PCDHA11: variants seen among roughly 807,000 people sequenced by gnomAD.
PCDHA11 encodes protocadherin alpha 11.
A neutral mutation model predicts 70.3 loss-of-function variants in PCDHA11; 61 were observed. That is an observed-to-expected ratio of 0.87 (90% confidence interval 0.71 to 1.07). PCDHA11 has a LOEUF of 1.07. Among genes scored for constraint, PCDHA11 ranks in the 50% least tolerant of loss-of-function variants. The pLI, the probability that PCDHA11 is intolerant of heterozygous loss-of-function variation, is 0.00. For missense variants in PCDHA11, 1,324 were observed against 1,237.5 expected (o/e 1.07, Z -1.05); for synonymous variants, 633 against 555.1 (o/e 1.14, Z -1.97).
chr5:140,949,915 T>A (rs1459531816), intron 1 of PCDHA11, among the ~76,000 whole-genome samples: 1 of 151,274 alleles, frequency 6.6e-6, no homozygotes, highest in African/African-American at 2.4e-5. Context: ...TAGATATAAC[T>A]ATTTTTAGAT....
At chr5:140,953,900 C>G (rs1040959969) in intron 1 of PCDHA11, among the ~76,000 whole-genome samples, 4 of 152,126 alleles carry the variant, frequency 2.6e-5, no homozygotes, top group Non-Finnish European at 5.9e-5. Context: ...GTATTAAGCC[C>G]AGCATCCATT....
intron 1 of PCDHA11, chr5:140,877,538 C>T: frequency 1.2e-6 from 2 of 1,613,776 alleles, no homozygotes; most frequent in Non-Finnish European, 1.7e-6. Context: ...GCTGTGGATC[C>T]CGAAGCGGCT....
At chr5:140,877,137 G>A in intron 1 of PCDHA11, 1 of 1,613,796 alleles carries the variant, frequency 6.2e-7, no homozygotes. Context: ...AGGTGTTCGT[G>A]CTGGACGAGA....
chr5:140,990,694 C>T (rs549554926), intron 3 of PCDHA11, among the ~76,000 whole-genome samples: 10 of 152,108 alleles, frequency 6.6e-5, no homozygotes, highest in Non-Finnish European at 1.5e-4. Context: ...TCGGAGAGTC[C>T]AGATTTATGG....
At position 140,878,341 on chromosome 5, in the gene PCDHA11, A is replaced by G. The variant is rs980108622; in HGVS notation, c.2391+6847A>G. Reference sequence around the variant, plus strand: ...TTCACATTATATTCCAGGTATTATCACAATAATATAAATGATATGTCTGAC... The same window carrying G: ...TTCACATTATATTCCAGGTATTATCGCAATAATATAAATGATATGTCTGAC... On this transcript the variant is annotated intron_variant, in intron 1 of 3. Coordinates refer to ENST00000398640, the MANE Select transcript of PCDHA11 (RefSeq NM_018902.5). Among the ~76,000 whole-genome samples the G allele has an allele frequency of 2.0e-5, 3 of 152,350 alleles. No homozygotes were observed. In the East Asian group the frequency reaches 5.8e-4, roughly 29 times the overall value.
At chr5:140,936,959 A>C (rs2091230080) in intron 1 of PCDHA11, among the ~76,000 whole-genome samples, 1 of 152,174 alleles carries the variant, frequency 6.6e-6, no homozygotes, top group Non-Finnish European at 1.5e-5. Flanking sequence ...TCTTTATTGA[A>C]TCTATAAAAA....
chr5:140,881,039 A>G (rs1554171692), intron 1 of PCDHA11, among the ~76,000 whole-genome samples: 1 of 152,262 alleles, frequency 6.6e-6, no homozygotes, highest in Non-Finnish European at 1.5e-5. Context: ...CATTTCCTAT[A>G]GAGTTGTGCA....
At chr5:140,939,411 AT>A (rs797027145) in intron 1 of PCDHA11, among the ~76,000 whole-genome samples, 1 of 152,050 alleles carries the variant, frequency 6.6e-6, no homozygotes, top group East Asian at 1.9e-4. Context: ...GTAAATCAGC[AT>A]TTTTTTCTTC....
At chr5:140,887,396 C>T (rs2153420229) in intron 1 of PCDHA11, among the ~76,000 whole-genome samples, 1 of 152,174 alleles carries the variant, frequency 6.6e-6, no homozygotes, top group Non-Finnish European at 1.5e-5. Flanking sequence ...GCGCCCGGCT[C>T]TTTATCTCAT....
chr5:140,993,177 C>A lies in PCDHA11; in HGVS notation c.2539+10614C>A, dbSNP rs551395516. ...CTAAATATTTGCCTTTGGGAAATTTCTTTAGAGGGAAACTCACTAAAGCTA... is the reference window on the plus strand; with the variant it reads ...CTAAATATTTGCCTTTGGGAAATTTATTTAGAGGGAAACTCACTAAAGCTA... On this transcript the variant is annotated intron_variant, in intron 3 of 3. Transcript: ENST00000398640. 6.6e-5 allele frequency among the ~76,000 whole-genome samples: 10 copies of A among 152,258 alleles called. No homozygotes were observed. In the East Asian group the frequency reaches 1.9e-3, roughly 29 times the overall value.
chr5:140,896,192 C>G (rs369443676), intron 1 of PCDHA11, among the ~76,000 whole-genome samples: 1 of 152,162 alleles, frequency 6.6e-6, no homozygotes, highest in African/African-American at 2.4e-5. Context: ...TGAATAGTGC[C>G]ATGATGAACA....
At chr5:140,891,371 T>G (rs1483919316) in intron 1 of PCDHA11, among the ~76,000 whole-genome samples, 1 of 152,146 alleles carries the variant, frequency 6.6e-6, no homozygotes, top group African/African-American at 2.4e-5. Context: ...CAGTATACAT[T>G]GCACCATATT....
chr5:140,956,137 A>C (rs374405911), intron 1 of PCDHA11, among the ~76,000 whole-genome samples: 1 of 152,114 alleles, frequency 6.6e-6, no homozygotes. Flanking sequence ...AATACCCTTT[A>C]TTTCTTTCTC....
Position 140,869,850 on chromosome 5 carries a change from G to A in PCDHA11, c.747G>A (p.Val249=). ...DPEFDKSEYK[V]SLMENAAKET... ...AGTTTGATAAATCAGAATATAAGGT[G>A]AGCCTTATGGAAAATGCTGCTAAAG... is the stretch of plus-strand genomic sequence containing the variant. The change falls in exon 1 of 4, where the codon GTG becomes GTA. Residue 249 remains valine, a synonymous_variant. Transcript: ENST00000398640. The A allele has an allele frequency of 6.2e-7, 1 of 1,610,774 alleles. No individual in the cohort carries two copies. Among genetic ancestry groups the A allele is most frequent in the South Asian group, 1.1e-5 (1 of 90,674 alleles).
chr5:140,887,954 T>A (rs2061642378), intron 1 of PCDHA11, among the ~76,000 whole-genome samples: 1 of 152,240 alleles, frequency 6.6e-6, no homozygotes, highest in South Asian at 2.1e-4. Context: ...TGTATAAGAT[T>A]CTTTTTGTCT....
intron 1 of PCDHA11, among the ~76,000 whole-genome samples, chr5:140,940,230 TA>T (rs2153645241): frequency 6.6e-6 from 1 of 152,330 alleles, no homozygotes; most frequent in Non-Finnish European, 1.5e-5. Flanking sequence ...TTCATTTTGG[TA>T]CATTAAAGTT....
chr5:140,924,050 A>T (rs1554201725), intron 1 of PCDHA11, among the ~76,000 whole-genome samples: 1 of 152,250 alleles, frequency 6.6e-6, no homozygotes, highest in African/African-American at 2.4e-5. Flanking sequence ...AAAGTTCGGT[A>T]CATCTTTACA....
intron 1 of PCDHA11, chr5:140,875,367 T>C (rs937879067): frequency 6.9e-7 from 1 of 1,449,048 alleles, no homozygotes; most frequent in Non-Finnish European, 9.1e-7. Context: ...CTGGAAAAAA[T>C]TTACTAAATA....
chr5:140,993,661 A>G (rs902592339), intron 3 of PCDHA11, among the ~76,000 whole-genome samples: 1 of 152,182 alleles, frequency 6.6e-6, no homozygotes, highest in African/African-American at 2.4e-5. Flanking sequence ...TTGGTTAACA[A>G]TGGACCACAT....
Sources: allele counts gnomAD v4.1 joint callset (sites outside exome capture counted in the v4.1 genomes callset), GRCh38; gene constraint gnomAD v4.1.1; transcripts MANE v1.5; gene names NCBI Gene and HGNC (gene_info 2026-07-23, HGNC 2026-07-21).